PTPRN2: variants seen among roughly 807,000 people sequenced by gnomAD.
PTPRN2 encodes the protein protein tyrosine phosphatase receptor type N2.
PTPRN2 carries 74 observed loss-of-function variants against 118.8 expected under a neutral mutation model. The observed-to-expected ratio is 0.62, with a 90% confidence interval of 0.52 to 0.76. The LOEUF is 0.76. PTPRN2 is among the 30% of genes least tolerant of loss of function. The pLI, the probability that PTPRN2 is intolerant of heterozygous loss-of-function variation, is 0.00. For synonymous variants in PTPRN2, 641 were observed against 608.0 expected, an observed-to-expected ratio of 1.05 and a Z score of -0.80; for missense variants, 1,481 against 1,394.4, an observed-to-expected ratio of 1.06 and a Z score of -0.99.
At chr7:157,588,273 G>C (rs897563039) in intron 17 of PTPRN2, among the ~76,000 whole-genome samples, 7 of 152,238 alleles carry the variant, frequency 4.6e-5, no homozygotes, top group African/African-American at 7.2e-5. Context: ...GGGGGATGGC[G>C]GGTGGCCAAC....
chr7:158,560,258 T>G (rs1454864078), intron 1 of PTPRN2, among the ~76,000 whole-genome samples: 1 of 152,258 alleles, frequency 6.6e-6, no homozygotes, highest in African/African-American at 2.4e-5. Context: ...TCGGTTATTG[T>G]GAATAGTGCT....
rs1272847466 is a variant in PTPRN2, at chr7:157,619,046, C to T, written c.2344+2316G>A. ...CATCCACATGTGGCCACCCTGTTGG[C>T]ACCGGCTGCTACCTGGGGAGGCTGC... On this transcript the variant is annotated intron_variant, in intron 15 of 22. Coordinates refer to ENST00000389418, the MANE Select transcript of PTPRN2 (RefSeq NM_002847.5). The surrounding 1 kb of genome is among the most constrained non-coding windows in gnomAD (Gnocchi z 5.3). 3.3e-5 allele frequency among the ~76,000 whole-genome samples: 5 copies of T among 152,202 alleles called. No individual in the cohort carries two copies. In the East Asian group the frequency reaches 9.7e-4, roughly 30 times the overall value.
intron 12 of PTPRN2, among the ~76,000 whole-genome samples, chr7:157,772,700 G>T (rs911569341): frequency 6.6e-6 from 1 of 152,258 alleles, no homozygotes; most frequent in Non-Finnish European, 1.5e-5. Context: ...GGGTCTCAGC[G>T]TTGGGTCTCT....
chr7:157,660,725 T>C (rs901102964), intron 13 of PTPRN2, among the ~76,000 whole-genome samples: 1 of 152,176 alleles, frequency 6.6e-6, no homozygotes, highest in Non-Finnish European at 1.5e-5. Flanking sequence ...TTGGCAAATG[T>C]AAAGATATTT....
intron 12 of PTPRN2, among the ~76,000 whole-genome samples, chr7:157,875,652 A>C (rs1795714359): frequency 6.6e-6 from 1 of 151,914 alleles, no homozygotes; most frequent in African/African-American, 2.4e-5. Context: ...AGCAAGTGTG[A>C]CCCCTGGTGG....
At chr7:158,201,553 T>C (rs1826649752) in intron 4 of PTPRN2, among the ~76,000 whole-genome samples, 1 of 152,202 alleles carries the variant, frequency 6.6e-6, no homozygotes, top group African/African-American at 2.4e-5. Flanking sequence ...CTTTCCCCTT[T>C]GTTTTCCTTC....
chr7:157,662,528 G>A (rs1198428684), intron 13 of PTPRN2, among the ~76,000 whole-genome samples: 3 of 152,206 alleles, frequency 2.0e-5, no homozygotes, highest in African/African-American at 7.2e-5. Context: ...CCGTGGGGCC[G>A]GGAGGAGGGG....
chr7:158,188,768 C>A (rs973309243), intron 5 of PTPRN2, among the ~76,000 whole-genome samples: 6 of 152,066 alleles, frequency 3.9e-5, no homozygotes, highest in Non-Finnish European at 8.8e-5. Context: ...CCACGCTCAC[C>A]CGCTGTATGG....
chr7:157,547,627 T>C (rs1049428550), intron 22 of PTPRN2, among the ~76,000 whole-genome samples: 1 of 151,770 alleles, frequency 6.6e-6, no homozygotes, highest in Non-Finnish European at 1.5e-5. Flanking sequence ...AAGACAGACA[T>C]GTGCACAGTC....
chr7:157,904,690 G>C (rs1431004367), intron 11 of PTPRN2, among the ~76,000 whole-genome samples: 1 of 152,230 alleles, frequency 6.6e-6, no homozygotes, highest in Admixed American at 6.5e-5. Flanking sequence ...GCGGCCCTGT[G>C]TTCCGGCCGC....
chr7:158,464,905 C>T (rs1451201547), intron 2 of PTPRN2, among the ~76,000 whole-genome samples: 3 of 152,244 alleles, frequency 2.0e-5, no homozygotes, highest in Admixed American at 2.0e-4. Flanking sequence ...AGATTCTGTG[C>T]TACACCCTTA....
At chr7:157,548,905 C>G (rs202159229) in intron 22 of PTPRN2, 41 bp downstream of exon 22, 1 of 1,589,674 alleles carries the variant, frequency 6.3e-7, no homozygotes, top group South Asian at 1.1e-5. Context: ...CAGAGAGGCA[C>G]CTTGAATGGG....
intron 6 of PTPRN2, among the ~76,000 whole-genome samples, chr7:158,162,577 G>A (rs1229877818): frequency 1.3e-5 from 2 of 151,932 alleles, no homozygotes; most frequent in Non-Finnish European, 2.9e-5. Context: ...GTCCATGGTT[G>A]CCAGGTCTCG....
rs1405953524 is a variant in PTPRN2 at position 157,993,207 on chromosome 7, A to G, written c.1723+88091T>C. On this transcript the variant is annotated intron_variant, in intron 11 of 22. Coordinates refer to ENST00000389418, the MANE Select transcript of PTPRN2 (RefSeq NM_002847.5). ...TAAGATTTTCTATCAAAACGTAAAT[A>G]GATTCGGATTTCTCTGAAGAGCAGG... Among the ~76,000 whole-genome samples, 11 of 152,346 alleles carry G rather than the reference A, an allele frequency of 7.2e-5. 1 individual carries two copies. Among genetic ancestry groups the G allele is most frequent in the Admixed American group, 5.2e-4 (8 of 15,304 alleles).
At chr7:157,820,912 G>A (rs1033996276) in intron 12 of PTPRN2, among the ~76,000 whole-genome samples, 2 of 152,234 alleles carry the variant, frequency 1.3e-5, no homozygotes, top group African/African-American at 4.8e-5. Context: ...AGCCGAGGAT[G>A]AAGGAAACAG....
intron 12 of PTPRN2, among the ~76,000 whole-genome samples, chr7:157,814,568 CG>C (rs1376551453): frequency 4.1e-5 from 1 of 24,198 alleles, no homozygotes; most frequent in South Asian, 1.2e-3. Context: ...GGAGGAGAGA[CG>C]GGGGGCAGGA....
At position 157,869,406 on chromosome 7, in the gene PTPRN2, G is replaced by A. The variant is rs1006788003; in HGVS notation, c.1788+29267C>T. 6.6e-6 allele frequency among the ~76,000 whole-genome samples: 1 copy of A among 151,774 alleles called. No individual in the cohort carries two copies. Among genetic ancestry groups the A allele is most frequent in the African/African-American group, 2.4e-5 (1 of 41,244 alleles). The stretch of plus-strand genomic sequence containing the variant: ...CCTGAGTTAGCAGACAAATATAAGG[G>A]GACTTCAAAAAGTTCACAGAAAAAT... On this transcript the variant is annotated intron_variant, in intron 12 of 22. Transcript: ENST00000389418. The surrounding 1 kb of genome is among the most constrained non-coding windows in gnomAD (Gnocchi z 4.2).
intron 2 of PTPRN2, among the ~76,000 whole-genome samples, chr7:158,340,817 T>A (rs1473426014): frequency 2.5e-5 from 2 of 80,516 alleles, no homozygotes; most frequent in Non-Finnish European, 5.0e-5. Context: ...CCCACACATG[T>A]CACTCACACC....
intron 12 of PTPRN2, among the ~76,000 whole-genome samples, chr7:157,738,548 G>T (rs962551920): frequency 6.6e-6 from 1 of 152,196 alleles, no homozygotes; most frequent in South Asian, 2.1e-4. Context: ...TGCAGCCAGC[G>T]GCTGGTCACT....
Sources: allele counts gnomAD v4.1 joint callset (sites outside exome capture counted in the v4.1 genomes callset), GRCh38; gene constraint gnomAD v4.1.1; non-coding constraint Gnocchi (gnomAD v3.1); transcripts MANE v1.5; gene names NCBI Gene and HGNC (gene_info 2026-07-23, HGNC 2026-07-21).